The following CTNNA3 variants were observed in gnomAD, a reference collection of about 807,000 sequenced individuals.
CTNNA3 encodes catenin alpha 3.
CTNNA3 carries 76 observed loss-of-function variants against 95.7 expected under a neutral mutation model. That is an observed-to-expected ratio of 0.79 (90% CI 0.66 to 0.96). CTNNA3 has a LOEUF of 0.96. Ranked by LOEUF, CTNNA3 falls within the 40% of genes least tolerant of loss-of-function variation. CTNNA3 has a pLI of 0.00. For synonymous variants in CTNNA3, 431 were observed against 374.4 expected, an observed-to-expected ratio of 1.15 and a Z score of -1.74; for missense variants, 1,191 against 1,089.8, an observed-to-expected ratio of 1.09 and a Z score of -1.31.
intron 17 of CTNNA3, among the ~76,000 whole-genome samples, chr10:65,964,126 C>T (rs1349595142): frequency 1.3e-5 from 2 of 152,084 alleles, no homozygotes; most frequent in Non-Finnish European, 2.9e-5. Context: ...TCATGCTTGC[C>T]ATTTTTCAAG....
At chr10:66,078,754 T>C (rs940015499) in intron 14 of CTNNA3, among the ~76,000 whole-genome samples, 3 of 151,946 alleles carry the variant, frequency 2.0e-5, no homozygotes, top group African/African-American at 7.2e-5. Flanking sequence ...AATGCTGATA[T>C]ACTTTTTGTC....
intron 2 of CTNNA3, among the ~76,000 whole-genome samples, chr10:67,624,753 C>A (rs1194840726): frequency 1.3e-5 from 2 of 152,144 alleles, no homozygotes; most frequent in African/African-American, 4.8e-5. Context: ...GAAATTCTTA[C>A]CAGTCAGACT....
In CTNNA3 at chr10:66,685,265, GTATA is replaced by G. The variant is rs533351962; in HGVS notation, c.1282-63485_1282-63482del. 2.4e-3 allele frequency among the ~76,000 whole-genome samples: 197 copies of G among 80,638 alleles called. 1 individual carries two copies. Among genetic ancestry groups the G allele is most frequent in the African/African-American group, 0.012 (194 of 16,500 alleles). 52.9% of individuals were successfully genotyped at this position (80,638 alleles called of 152,430 possible). On this transcript the variant is annotated intron_variant, in intron 9 of 17. Coordinates refer to ENST00000433211, the MANE Select transcript of CTNNA3 (RefSeq NM_013266.4). ...TGTGTATATATACGTATATATGTGTGTATATATACGTATATATAAGTATATATAT... is the reference window on the plus strand; with the variant it reads ...TGTGTATATATACGTATATATGTGTGTATACGTATATATAAGTATATATAT...
chr10:66,933,615 G>A (rs1021933694), intron 7 of CTNNA3, among the ~76,000 whole-genome samples: 1 of 152,098 alleles, frequency 6.6e-6, no homozygotes, highest in Non-Finnish European at 1.5e-5. Context: ...CTGCTCTGAT[G>A]TTTCTCCCCT....
chr10:67,226,840 A>G (rs190917303), intron 5 of CTNNA3, among the ~76,000 whole-genome samples: 44 of 152,314 alleles, frequency 2.9e-4, no homozygotes, highest in African/African-American at 1.0e-3. Context: ...ACAAAAAACC[A>G]AAGTACATAG....
intron 7 of CTNNA3, chr10:67,097,706 T>TA: frequency 3.7e-6 from 6 of 1,612,708 alleles, no homozygotes; most frequent in Non-Finnish European, 5.1e-6. Flanking sequence ...CACAGGAAGA[T>TA]ACGATGGAAA....
chr10:66,435,257 C>T (rs995219879), intron 11 of CTNNA3, among the ~76,000 whole-genome samples: 1 of 152,098 alleles, frequency 6.6e-6, no homozygotes, highest in Non-Finnish European at 1.5e-5. Context: ...TAGAATTTGG[C>T]TGTGAATCTG....
In CTNNA3 at chr10:66,927,317, A is replaced by T. The variant is rs1847136161; in HGVS notation, c.1048-151793T>A. On this transcript the variant is annotated intron_variant, in intron 7 of 17. Coordinates refer to ENST00000433211, the MANE Select transcript of CTNNA3 (RefSeq NM_013266.4). This position sits in a 1 kb window ranked among gnomAD's most constrained non-coding sequence, Gnocchi z 4.7. ...AACAATACCTTCAGACCTGTGACAAATTTACGGAACTTGGATCTGTCCTAT... is the reference window on the plus strand; with the variant it reads ...AACAATACCTTCAGACCTGTGACAATTTTACGGAACTTGGATCTGTCCTAT... 1.2e-6 allele frequency: 2 copies of T among 1,614,012 alleles called. No homozygotes were observed. The highest frequency in any genetic ancestry group is 2.7e-5 in the African/African-American group (2 of 74,902).
At chr10:66,473,275 G>A (rs992537764) in intron 11 of CTNNA3, among the ~76,000 whole-genome samples, 4 of 151,808 alleles carry the variant, frequency 2.6e-5, no homozygotes, top group South Asian at 2.1e-4. Context: ...GGATCATGGG[G>A]GCAGTTCTCC....
At chr10:66,224,128 T>A (rs2089130640) in intron 13 of CTNNA3, among the ~76,000 whole-genome samples, 1 of 152,194 alleles carries the variant, frequency 6.6e-6, no homozygotes, top group Admixed American at 6.5e-5. Context: ...TCTCATATCT[T>A]CTCAGACACT....
intron 9 of CTNNA3, among the ~76,000 whole-genome samples, chr10:66,667,457 T>C (rs1357154246): frequency 1.3e-5 from 2 of 152,150 alleles, no homozygotes; most frequent in Non-Finnish European, 1.5e-5. Flanking sequence ...TGTTAAAGTA[T>C]CAGCAGTATG....
At chr10:67,059,109 T>C (rs1855609249) in intron 7 of CTNNA3, among the ~76,000 whole-genome samples, 1 of 152,164 alleles carries the variant, frequency 6.6e-6, no homozygotes, top group African/African-American at 2.4e-5. Context: ...ATCTAATCCT[T>C]TAGTCATAAT....
chr10:67,669,280 G>A (rs1349003752), intron 1 of CTNNA3, among the ~76,000 whole-genome samples: 2 of 152,250 alleles, frequency 1.3e-5, no homozygotes, highest in East Asian at 3.9e-4. Context: ...TATGTCCCAT[G>A]AGCAACTGGA....
chr10:66,439,202 A>C (rs1229075369), intron 11 of CTNNA3, among the ~76,000 whole-genome samples: 1 of 152,182 alleles, frequency 6.6e-6, no homozygotes, highest in Non-Finnish European at 1.5e-5. Flanking sequence ...TTATAACTTT[A>C]TAAGATAAAA....
rs80076836 is a variant in CTNNA3, at chr10:67,334,516, C to A, written c.580-114646G>T. On this transcript the variant is annotated intron_variant, in intron 5 of 17. Transcript: ENST00000433211. Reference sequence around the variant, plus strand: ...TCCTTTGAGCAAGGGTTAACACTGTCACCACCTTGGTAGAAAACAAGAAGG... The same window carrying A: ...TCCTTTGAGCAAGGGTTAACACTGTAACCACCTTGGTAGAAAACAAGAAGG... 839 of 152,716 alleles carry A rather than the reference C, an allele frequency of 5.5e-3. 18 individuals carry two copies. Among genetic ancestry groups the A allele is most frequent in the East Asian group, 0.019 (97 of 5,200 alleles). The allele number at this position is 152,716 out of a possible 1,614,324, so 9.5% of individuals were successfully genotyped here. A position where few individuals can be genotyped will look rare whatever the true frequency, so the allele number is the denominator to read the frequency against.
At chr10:66,292,840 A>T (rs1256103107) in intron 12 of CTNNA3, among the ~76,000 whole-genome samples, 1 of 152,132 alleles carries the variant, frequency 6.6e-6, no homozygotes, top group Non-Finnish European at 1.5e-5. Context: ...GTTATTTTTA[A>T]TTCTAATAAT....
chr10:67,156,244 T>C (rs1272938731), intron 7 of CTNNA3, among the ~76,000 whole-genome samples: 1 of 152,040 alleles, frequency 6.6e-6, no homozygotes, highest in South Asian at 2.1e-4. Flanking sequence ...TTAGTTTCAA[T>C]GATTTTTTTC....
intron 12 of CTNNA3, among the ~76,000 whole-genome samples, chr10:66,321,843 T>C (rs546910444): frequency 6.6e-6 from 1 of 152,238 alleles, no homozygotes; most frequent in African/African-American, 2.4e-5. Flanking sequence ...GCGTATGCTA[T>C]ATGAGTGTCC....
chr10:67,178,631 T>C (rs1008592850), intron 7 of CTNNA3, among the ~76,000 whole-genome samples: 14 of 152,204 alleles, frequency 9.2e-5, no homozygotes, highest in African/African-American at 3.1e-4. Flanking sequence ...TCTGAATTTG[T>C]ACCTATAAAG....
Sources: gnomAD v4.1 joint callset for allele counts (sites outside exome capture counted in the v4.1 genomes callset) on GRCh38, gnomAD v4.1.1 for gene constraint, Gnocchi (gnomAD v3.1) non-coding constraint, MANE v1.5 for transcripts, NCBI Gene and HGNC (gene_info 2026-07-23, HGNC 2026-07-21) for gene names.